USP40: variants seen among roughly 807,000 people sequenced by gnomAD.
The protein encoded by USP40 is ubiquitin carboxyl-terminal hydrolase 40.
A neutral mutation model predicts 166.2 loss-of-function variants in USP40; 143 were observed. The observed-to-expected ratio is 0.86, with a 90% CI of 0.75 to 0.99. USP40 has a LOEUF of 0.99. Among genes scored for constraint, USP40 ranks in the 50% least tolerant of loss-of-function variants. The pLI is 0.00. For synonymous variants in USP40, 498 were observed against 524.0 expected (o/e 0.95, Z 0.68); for missense variants, 1,444 against 1,479.7 (o/e 0.98, Z 0.40).
chr2:233,489,257 G>T, intron 27 of USP40, 108 bp downstream of exon 27: 1 of 1,056,736 alleles, frequency 9.5e-7, no homozygotes, highest in Non-Finnish European at 1.4e-6. Flanking sequence ...GACCAGGAAT[G>T]GGCTTTGTTG....
Position 233,493,497 on chromosome 2 carries a change from A to G in USP40, c.2845T>C (p.Trp949Arg). ...WYQLQGPSGH[W>R]ESHQDQTNCT... is the part of the protein sequence containing the mutation. ...TTGGTCTGGTCCTGATGACTCTCCCAGTGTCCTGAGGGACCCTGAAGCTGG... is the reference window on the plus strand; with the variant it reads ...TTGGTCTGGTCCTGATGACTCTCCCGGTGTCCTGAGGGACCCTGAAGCTGG... Residue 949 changes from tryptophan (W) to arginine (R), a missense_variant, in exon 25 of 32, where the codon TGG (tryptophan) becomes CGG (arginine). By Grantham distance (101) the Trp-to-Arg change is moderately radical. Coordinates refer to ENST00000678225, the MANE Select transcript of USP40 (RefSeq NM_001365479.2). This position sits in a 1 kb window ranked among gnomAD's most constrained non-coding sequence, Gnocchi z 4.7. The G allele has an allele frequency of 3.1e-6, 5 of 1,613,826 alleles. No homozygotes were observed. Among genetic ancestry groups the G allele is most frequent in the Non-Finnish European group, 4.2e-6 (5 of 1,179,838 alleles).
chr2:233,487,888 G>A (rs546184676), intron 28 of USP40: 6 of 520,924 alleles, frequency 1.2e-5, no homozygotes, highest in South Asian at 3.1e-5. Context: ...AGAATAAGGG[G>A]GCAGAGCGAC....
intron 27 of USP40, 92 bp from the exon 28 acceptor site, chr2:233,488,396 CAAAGA>C (rs1285403747): frequency 8.0e-7 from 1 of 1,245,890 alleles, no homozygotes; most frequent in African/African-American, 1.5e-5. Flanking sequence ...TTTTCTTAAG[CAAAGA>C]ATTGTTTTCT....
At position 233,480,675 on chromosome 2, in the gene USP40, C is replaced by T. The variant is rs1341215200; in HGVS notation, c.3599+528G>A. ...AGTCCTGAGCAGAGGTAGAAGATGG[C>T]CTGTGGCAGCGGAGTCCTGGCGGCC... On this transcript the variant is annotated intron_variant, in intron 31 of 31. Coordinates refer to ENST00000678225, the MANE Select transcript of USP40 (RefSeq NM_001365479.2). This position sits in a 1 kb window ranked among gnomAD's most constrained non-coding sequence, Gnocchi z 4.5. 6.6e-6 allele frequency among the ~76,000 whole-genome samples: 1 copy of T among 152,196 alleles called. No homozygotes were observed. The highest frequency in any genetic ancestry group is 2.4e-5 in the African/African-American group (1 of 41,452).
At chr2:233,494,948 A>ATATT (rs2065619822) in intron 24 of USP40, among the ~76,000 whole-genome samples, 1 of 32,494 alleles carries the variant, frequency 3.1e-5, no homozygotes, top group African/African-American at 1.8e-4. Context: ...ATATATATAT[A>ATATT]TATATATTTA....
chr2:233,514,764 C>T (rs184720176), intron 18 of USP40, among the ~76,000 whole-genome samples: 4 of 152,240 alleles, frequency 2.6e-5, no homozygotes, highest in African/African-American at 9.6e-5. Context: ...ATGGACTTTA[C>T]TGAGTTATAA....
intron 13 of USP40, among the ~76,000 whole-genome samples, chr2:233,527,138 A>T (rs2068083217): frequency 6.6e-6 from 1 of 152,182 alleles, no homozygotes. Context: ...TTTCTAAAAA[A>T]GAGACAACTT....
intron 30 of USP40, among the ~76,000 whole-genome samples, chr2:233,484,474 CTT>C (rs1222375562): frequency 7.6e-5 from 11 of 144,078 alleles, no homozygotes; most frequent in African/African-American, 2.0e-4. Context: ...TTTGAATCTC[CTT>C]TTTTTTTTTT....
In USP40 at chr2:233,519,117, T is replaced by G. The variant is rs184499969; in HGVS notation, c.2383+497A>C. Among the ~76,000 whole-genome samples the G allele has an allele frequency of 2.5e-3, 375 of 152,258 alleles. 1 individual carries two copies. Among genetic ancestry groups the G allele is most frequent in the Middle Eastern group, 6.8e-3 (2 of 294 alleles). Reference sequence around the variant, plus strand: ...GGTTGCCAGGGGCTTGGAATACAGATGGGTACAGGGATATTTTTGGAGTAA... The same window carrying G: ...GGTTGCCAGGGGCTTGGAATACAGAGGGGTACAGGGATATTTTTGGAGTAA... On this transcript the variant is annotated intron_variant, in intron 18 of 31. Transcript: ENST00000678225.
rs751519604 is a variant in USP40 at position 233,477,355 on chromosome 2, G to A, written c.*37C>T. Reference sequence around the variant, plus strand: ...AAACCCACGTTTGTGGCATCAGCCGGAGAGTTCATCGGGAGTAGAGCCGTG... The same window carrying A: ...AAACCCACGTTTGTGGCATCAGCCGAAGAGTTCATCGGGAGTAGAGCCGTG... On this transcript the variant is annotated 3_prime_UTR_variant, in exon 32 of 32. Coordinates refer to ENST00000678225, the MANE Select transcript of USP40 (RefSeq NM_001365479.2). 7 of 1,596,888 alleles carry A rather than the reference G, an allele frequency of 4.4e-6. No individual in the cohort carries two copies. The highest frequency in any genetic ancestry group is 1.1e-5 in the South Asian group (1 of 90,006).
intron 21 of USP40, among the ~76,000 whole-genome samples, chr2:233,503,140 T>C (rs1043516385): frequency 1.3e-5 from 2 of 151,890 alleles, no homozygotes; most frequent in Non-Finnish European, 2.9e-5. Context: ...ATCAGAAAAA[T>C]TCATTCATAA....
At chr2:233,516,357 A>G (rs1312542606) in intron 18 of USP40, among the ~76,000 whole-genome samples, 1 of 152,106 alleles carries the variant, frequency 6.6e-6, no homozygotes, top group Non-Finnish European at 1.5e-5. Context: ...GTGTAAGAAT[A>G]TATTAAATCT....
chr2:233,550,650 CAT>C (rs2070463963), intron 7 of USP40, among the ~76,000 whole-genome samples: 1 of 152,100 alleles, frequency 6.6e-6, no homozygotes, highest in Non-Finnish European at 1.5e-5. Context: ...TCTGAATAAA[CAT>C]ATAAGAATGA....
intron 8 of USP40, 82 bp from the exon 9 acceptor site, chr2:233,542,445 T>C (rs1230082419): frequency 5.0e-6 from 4 of 799,886 alleles, no homozygotes; most frequent in Non-Finnish European, 7.9e-6. Context: ...GCACAGTAGC[T>C]CACACCTGTA....
intron 16 of USP40, among the ~76,000 whole-genome samples, chr2:233,522,423 T>C (rs554187207): frequency 1.4e-4 from 21 of 152,290 alleles, no homozygotes; most frequent in African/African-American, 4.8e-4. Context: ...GTGGTAAGTG[T>C]ACTACGAAAG....
chr2:233,527,703 C>T (rs894991632), intron 12 of USP40, 125 bp from the exon 13 acceptor site: 2 of 828,772 alleles, frequency 2.4e-6, no homozygotes, highest in African/African-American at 3.5e-5. Flanking sequence ...AATTTTTCTT[C>T]TATGTGCCAC....
In USP40 at chr2:233,565,376, TGAA is replaced by T. The variant is rs1207395645; in HGVS notation, c.176_178del (p.Leu59del). 1.3e-6 allele frequency: 2 copies of T among 1,537,204 alleles called. No homozygotes were observed. The highest frequency in any genetic ancestry group is 2.7e-5 in the African/African-American group (2 of 73,172). On this transcript the variant is annotated inframe_deletion, in exon 2 of 32. Transcript: ENST00000678225. ...CATACCTCTGAATTCAGGTGTGAAA[TGAA>T]GAGTCTGAAGAAGGGAATTGAGGTA... is the stretch of plus-strand genomic sequence containing the variant.
chr2:233,500,038 C>T, intron 21 of USP40, 123 bp from the exon 22 acceptor site: 2 of 707,862 alleles, frequency 2.8e-6, no homozygotes, highest in East Asian at 5.8e-5. Context: ...CTTGAATAGG[C>T]AAGGATAGAC....
chr2:233,566,228 A>C (rs73996138), intron 1 of USP40, among the ~76,000 whole-genome samples: 4,677 of 152,142 alleles, frequency 0.031, 228 homozygotes, highest in African/African-American at 0.11. Flanking sequence ...GCCTTCCAGT[A>C]TGTATCCACT....
Sources: gnomAD v4.1 joint callset for allele counts (sites outside exome capture counted in the v4.1 genomes callset) on GRCh38, gnomAD v4.1.1 for gene constraint, Gnocchi (gnomAD v3.1) non-coding constraint, MANE v1.5 for transcripts, NCBI Gene and HGNC (gene_info 2026-07-23, HGNC 2026-07-21) for gene names.